The following DPP10 variants were observed in gnomAD, a reference collection of about 807,000 sequenced individuals.
The protein encoded by DPP10 is dipeptidyl peptidase like 10.
In DPP10, 33 loss-of-function variants were observed where a neutral mutation model predicts 120.9. The ratio of observed to expected loss-of-function variants is 0.27; its 90% CI spans 0.21 to 0.37. The LOEUF is 0.37. Ranked by LOEUF, DPP10 falls within the 10% of genes least tolerant of loss-of-function variation. DPP10 has a pLI of 1.00. For missense variants in DPP10, 816 were observed against 942.8 expected, an observed-to-expected ratio of 0.87 and a Z score of 1.76; for synonymous variants, 337 against 326.1, an observed-to-expected ratio of 1.03 and a Z score of -0.36.
At chr2:114,922,207 A>G (rs1385958154) in intron 1 of DPP10, among the ~76,000 whole-genome samples, 1 of 152,214 alleles carries the variant, frequency 6.6e-6, no homozygotes, top group Non-Finnish European at 1.5e-5. Context: ...CTAATTTTAG[A>G]ACACTTTCAT....
chr2:114,773,624 T>C (rs1681467384), intron 1 of DPP10, among the ~76,000 whole-genome samples: 1 of 152,186 alleles, frequency 6.6e-6, no homozygotes, highest in Admixed American at 6.5e-5. Flanking sequence ...CATTGAAAGG[T>C]ATTATATAAA....
chr2:114,454,409 C>T (rs1678450893), intron 1 of DPP10, among the ~76,000 whole-genome samples: 1 of 152,170 alleles, frequency 6.6e-6, no homozygotes, highest in Non-Finnish European at 1.5e-5. Context: ...TGCCCAATGT[C>T]ACCCAGACTG....
chr2:115,166,434 A>G (rs937986635), intron 1 of DPP10, among the ~76,000 whole-genome samples: 90 of 141,654 alleles, frequency 6.4e-4, no homozygotes, highest in African/African-American at 2.2e-3. Flanking sequence ...ATGGAAGTCT[A>G]TGATTTGAGA....
intron 12 of DPP10, among the ~76,000 whole-genome samples, 179 bp from the exon 13 acceptor site, chr2:115,768,118 A>T (rs1681015714): frequency 6.6e-6 from 1 of 152,222 alleles, no homozygotes; most frequent in Non-Finnish European, 1.5e-5. Flanking sequence ...GTAATGTATC[A>T]GATTTACTTT....
chr2:115,763,832 C>T (rs997047778), intron 12 of DPP10, among the ~76,000 whole-genome samples: 9 of 152,094 alleles, frequency 5.9e-5, no homozygotes, highest in Non-Finnish European at 4.4e-5. Flanking sequence ...TTAAAAGGTC[C>T]ACAAGGGATT....
chr2:114,544,685 A>T (rs1057354450), intron 1 of DPP10, among the ~76,000 whole-genome samples: 2 of 151,470 alleles, frequency 1.3e-5, no homozygotes, highest in African/African-American at 4.9e-5. Context: ...AAATTTATAC[A>T]TTAAGCGTAA....
intron 1 of DPP10, among the ~76,000 whole-genome samples, chr2:115,268,924 G>A (rs200010275): frequency 4.8e-5 from 7 of 144,728 alleles, no homozygotes; most frequent in Admixed American, 2.1e-4. Context: ...CCGAGGCGGC[G>A]GATCATGAGG....
chr2:115,731,043 G>A (rs1442135105), intron 8 of DPP10, among the ~76,000 whole-genome samples: 1 of 151,942 alleles, frequency 6.6e-6, no homozygotes, highest in Non-Finnish European at 1.5e-5. Context: ...TGGGCAATAT[G>A]GCAAAATCCT....
At chr2:115,432,940 G>A (rs939446609) in intron 3 of DPP10, among the ~76,000 whole-genome samples, 2 of 151,906 alleles carry the variant, frequency 1.3e-5, no homozygotes, top group Non-Finnish European at 2.9e-5. Context: ...CCAGATTGAT[G>A]GCATACCTCA....
At position 115,753,714 on chromosome 2, in the gene DPP10, G is replaced by A. The variant is rs996438907; in HGVS notation, c.1074+417G>A. Among the ~76,000 whole-genome samples the A allele has an allele frequency of 1.3e-5, 2 of 152,024 alleles. 1 individual carries two copies. On this transcript the variant is annotated intron_variant, in intron 11 of 25. Transcript: ENST00000410059. ...CAGATAGATCTGATAAAATAACAGT[G>A]TTTCTGTACTGAAATTAAGTAAAAC...
intron 1 of DPP10, among the ~76,000 whole-genome samples, chr2:114,578,308 C>A (rs976450472): frequency 6.6e-6 from 1 of 152,102 alleles, no homozygotes; most frequent in Non-Finnish European, 1.5e-5. Flanking sequence ...ACTTTACAAG[C>A]TGTGTGGTAT....
At chr2:115,657,716 C>T (rs76651283) in intron 5 of DPP10, among the ~76,000 whole-genome samples, 8,257 of 151,768 alleles carry the variant, frequency 0.054, 756 homozygotes, top group African/African-American at 0.19. Flanking sequence ...TGCATCATCA[C>T]GCAATTTTAA....
chr2:114,729,104 A>G (rs936682518), intron 1 of DPP10, among the ~76,000 whole-genome samples: 2 of 152,268 alleles, frequency 1.3e-5, no homozygotes, highest in Non-Finnish European at 2.9e-5. Flanking sequence ...CTAACAAGAA[A>G]CAATAAGTGG....
intron 21 of DPP10, among the ~76,000 whole-genome samples, chr2:115,816,625 T>G (rs540668901): frequency 6.0e-4 from 90 of 149,738 alleles, no homozygotes; most frequent in African/African-American, 6.8e-4. Context: ...TTTTGTTTTT[T>G]TTTTTTTTTT....
At chr2:115,198,241 G>A (rs908476354) in intron 1 of DPP10, among the ~76,000 whole-genome samples, 12 of 152,114 alleles carry the variant, frequency 7.9e-5, no homozygotes, top group Admixed American at 4.6e-4. Flanking sequence ...TCCCCAGCTC[G>A]CTCAGAGTAG....
chr2:115,112,526 T>A (rs2049279202), intron 1 of DPP10, among the ~76,000 whole-genome samples: 1 of 152,208 alleles, frequency 6.6e-6, no homozygotes, highest in African/African-American at 2.4e-5. Flanking sequence ...AATTAACATA[T>A]GTGTTACCTC....
intron 4 of DPP10, among the ~76,000 whole-genome samples, chr2:115,517,193 A>G (rs1251134921): frequency 6.6e-6 from 1 of 152,194 alleles, no homozygotes; most frequent in East Asian, 1.9e-4. Flanking sequence ...GTTGCAAACA[A>G]CCACTGGTCT....
At chr2:115,124,591 A>G (rs1573701360) in intron 1 of DPP10, among the ~76,000 whole-genome samples, 1 of 152,330 alleles carries the variant, frequency 6.6e-6, no homozygotes, top group Non-Finnish European at 1.5e-5. Context: ...ACTATGTGAC[A>G]TTATTATGTG....
chr2:114,654,738 G>A (rs1696847978), intron 1 of DPP10, among the ~76,000 whole-genome samples: 2 of 152,086 alleles, frequency 1.3e-5, no homozygotes, highest in Non-Finnish European at 1.5e-5. Flanking sequence ...GTTCCTTCCA[G>A]TTGAGGGCTG....
Sources: gnomAD v4.1 joint callset for allele counts (sites outside exome capture counted in the v4.1 genomes callset) on GRCh38, gnomAD v4.1.1 for gene constraint, MANE v1.5 for transcripts, NCBI Gene and HGNC (gene_info 2026-07-23, HGNC 2026-07-21) for gene names.